Variants in MED6 observed in about 807,000 individuals in gnomAD.
The protein encoded by MED6 is mediator complex subunit 6.
Under a neutral mutation model 37.5 loss-of-function variants are expected in MED6, and 33 were observed. The observed-to-expected ratio is 0.88, with a 90% CI of 0.67 to 1.18. The LOEUF (loss-of-function observed/expected upper bound fraction) is 1.18, where lower values mean the gene tolerates loss of function less well. Ranked by LOEUF, MED6 falls within the 50% of genes most tolerant of loss-of-function variation. MED6 has a pLI of 0.00. For synonymous variants in MED6, 94 were observed against 93.6 expected, an observed-to-expected ratio of 1.00 and a Z score of -0.02; for missense variants, 235 against 290.6, an observed-to-expected ratio of 0.81 and a Z score of 1.39.
At chr14:70,586,248 G>A (rs1884703434) in intron 6 of MED6, among the ~76,000 whole-genome samples, 1 of 152,054 alleles carries the variant, frequency 6.6e-6, no homozygotes, top group African/African-American at 2.4e-5. Flanking sequence ...AAATTTGGAG[G>A]GAAAAGAGAT....
chr14:70,600,604 A>G lies in MED6; in HGVS notation c.22+12T>C. The stretch of plus-strand genomic sequence containing the variant: ...AGACAATCAAGAGACAAAATATAGC[A>G]ATACAGTATACCTCGGATATCCACC... On this transcript the variant is annotated intron_variant, in intron 1 of 7. Coordinates refer to ENST00000256379, the MANE Select transcript of MED6 (RefSeq NM_005466.4). 1.2e-6 allele frequency: 2 copies of G among 1,613,432 alleles called. No homozygotes were observed. The highest frequency in any genetic ancestry group is 8.5e-7 in the Non-Finnish European group (1 of 1,179,882).
At position 70,597,728 on chromosome 14, in the gene MED6, C is replaced by A; in HGVS notation, c.72G>T (p.Leu24Phe). The change falls in exon 2 of 8, where the codon TTG becomes TTT. Residue 24 changes from leucine (L) to phenylalanine (F), a missense_variant. Leu to Phe is a conservative substitution (Grantham distance 22). Transcript: ENST00000256379. ...AGTAATCCAGGACACTACCACTGTT[C>A]AAAATAGGGATCCAAGAGCTGTCAA... is the stretch of plus-strand genomic sequence containing the variant. Reference protein sequence around the residue: ...SWVDSSWIPILNSGSVLDYFS... With the variant: ...SWVDSSWIPIFNSGSVLDYFS... 1.3e-6 allele frequency: 2 copies of A among 1,557,954 alleles called. No homozygotes were observed. Among genetic ancestry groups the A allele is most frequent in the South Asian group, 2.5e-5 (2 of 80,406 alleles).
At chr14:70,586,081 CTACAATGCTTTA>C (rs1446543669) in intron 6 of MED6, among the ~76,000 whole-genome samples, 2 of 152,210 alleles carry the variant, frequency 1.3e-5, no homozygotes, top group East Asian at 3.9e-4. Context: ...CACACCCAGG[CTACAATGCTTTA>C]TAAAAAGCAG....
At position 70,599,734 on chromosome 14, in the gene MED6, C is replaced by A. The variant is rs546752815; in HGVS notation, c.22+882G>T. 2.2e-4 allele frequency among the ~76,000 whole-genome samples: 34 copies of A among 152,084 alleles called. No individual in the cohort carries two copies. The East Asian group carries it at 6.4e-3, about 29-fold the overall frequency. ...AACATTTTATAAACTAAATATTTCT[C>A]TTTTTTATTCTGTAGCAAGGCAACA... On this transcript the variant is annotated intron_variant, in intron 1 of 7. Coordinates refer to ENST00000256379, the MANE Select transcript of MED6 (RefSeq NM_005466.4).
At position 70,584,496 on chromosome 14, in the gene MED6, C is replaced by A; in HGVS notation, c.*317G>T. On this transcript the variant is annotated 3_prime_UTR_variant, in exon 8 of 8. Transcript: ENST00000256379. ...GTTCAAGCAAGTCTCCTGTCTCAGCCTCCCGAGTAGCTGGGACTATGGGCG... is the reference window on the plus strand; with the variant it reads ...GTTCAAGCAAGTCTCCTGTCTCAGCATCCCGAGTAGCTGGGACTATGGGCG... The A allele has an allele frequency of 3.2e-6, 1 of 310,080 alleles. No individual in the cohort carries two copies. Among genetic ancestry groups the A allele is most frequent in the East Asian group, 7.2e-5 (1 of 13,978 alleles). 19.2% of individuals were successfully genotyped at this position (310,080 alleles called of 1,614,324 possible). A position where few individuals can be genotyped will look rare whatever the true frequency, so the allele number is the denominator to read the frequency against.
Position 70,596,727 on chromosome 14 carries a change from A to G in MED6, c.183-25T>C, listed in dbSNP as rs1299989577. The stretch of plus-strand genomic sequence containing the variant: ...ACTGAAAACAGAACACAGACATCCA[A>G]AGATCTATAAACGCCCTACAAATAA... On this transcript the variant is annotated intron_variant, in intron 2 of 7. Coordinates refer to ENST00000256379, the MANE Select transcript of MED6 (RefSeq NM_005466.4). The G allele has an allele frequency of 5.3e-6, 8 of 1,509,286 alleles. No homozygotes were observed. In the African/African-American group the frequency reaches 9.6e-5, roughly 18 times the overall value. 93.5% of individuals were successfully genotyped at this position (1,509,286 alleles called of 1,614,324 possible).
chr14:70,599,466 T>TA (rs34442774), intron 1 of MED6, among the ~76,000 whole-genome samples: 1 of 151,982 alleles, frequency 6.6e-6, no homozygotes, highest in Non-Finnish European at 1.5e-5. Flanking sequence ...AATGTAGTCC[T>TA]AAAAAAAAGT....
rs761656706 is a variant in MED6 at position 70,585,717 on chromosome 14, C to T, written c.610+39G>A. 1.0e-5 allele frequency: 16 copies of T among 1,550,428 alleles called. 1 individual carries two copies. The South Asian group carries it at 2.0e-4, about 19-fold the overall frequency. On this transcript the variant is annotated intron_variant, in intron 7 of 7. Coordinates refer to ENST00000256379, the MANE Select transcript of MED6 (RefSeq NM_005466.4). Reference sequence around the variant, plus strand: ...GTGATTGATTTACAAGCTGTTTGACCTTATTTCAAGCGTAATAAGAATATT... The same window carrying T: ...GTGATTGATTTACAAGCTGTTTGACTTTATTTCAAGCGTAATAAGAATATT...
chr14:70,585,156 T>C (rs977338059), intron 7 of MED6, among the ~76,000 whole-genome samples: 3 of 152,208 alleles, frequency 2.0e-5, no homozygotes, highest in African/African-American at 7.2e-5. Context: ...TAGACAAAAC[T>C]ACATAGCATT....
rs531907629 is a variant in MED6, at chr14:70,596,492, T to C, written c.274+119A>G. ...GAGTCCTCCAGCATAGTACTGAACA[T>C]GTATGTGGTCTTGGAGACCCCCCAA... On this transcript the variant is annotated intron_variant, in intron 3 of 7. Coordinates refer to ENST00000256379, the MANE Select transcript of MED6 (RefSeq NM_005466.4). The C allele has an allele frequency of 4.0e-5, 27 of 679,380 alleles. No individual in the cohort carries two copies. In the East Asian group the frequency reaches 6.0e-4, roughly 15 times the overall value. The allele number at this position is 679,380 out of a possible 1,614,324, so 42.1% of individuals were successfully genotyped here.
intron 3 of MED6, chr14:70,595,800 C>A: frequency 1.4e-6 from 1 of 699,210 alleles, no homozygotes; most frequent in Non-Finnish European, 2.6e-6. Context: ...GTGTCTGAGA[C>A]CAACAACATC....
chr14:70,591,498 T>C (rs1461612940), intron 5 of MED6, 117 bp from the exon 6 acceptor site: 2 of 742,558 alleles, frequency 2.7e-6, no homozygotes, highest in Non-Finnish European at 4.4e-6. Flanking sequence ...ATGGCTGCTA[T>C]ACCAAAGATA....
At chr14:70,587,404 A>G (rs575837299) in intron 6 of MED6, among the ~76,000 whole-genome samples, 1 of 152,360 alleles carries the variant, frequency 6.6e-6, no homozygotes, top group Admixed American at 6.5e-5. Context: ...ACAAAGCCAC[A>G]TATCACATTA....
At chr14:70,585,115 C>T (rs953273692) in intron 7 of MED6, among the ~76,000 whole-genome samples, 172 bp from the exon 8 acceptor site, 2 of 152,194 alleles carry the variant, frequency 1.3e-5, no homozygotes, top group African/African-American at 4.8e-5. Flanking sequence ...ACAAACCTAA[C>T]AACCTGAAAA....
At chr14:70,598,375 T>C (rs1885106429) in intron 1 of MED6, among the ~76,000 whole-genome samples, 1 of 152,060 alleles carries the variant, frequency 6.6e-6, no homozygotes, top group Non-Finnish European at 1.5e-5. Flanking sequence ...CTCGGGAGGC[T>C]GTGGCAGGAG....
At chr14:70,585,912 T>C in intron 6 of MED6, 129 bp from the exon 7 acceptor site, 1 of 660,556 alleles carries the variant, frequency 1.5e-6, no homozygotes, top group Non-Finnish European at 2.5e-6. Context: ...ACATTTCAAA[T>C]GACTTTGTGA....
At chr14:70,596,525 C>G in intron 3 of MED6, 86 bp downstream of exon 3, 1 of 1,043,936 alleles carries the variant, frequency 9.6e-7, no homozygotes, top group South Asian at 1.4e-5. Flanking sequence ...CAAACAGAAA[C>G]CAATCAAAAA....
Position 70,599,030 on chromosome 14 carries a change from C to T in MED6, c.23-1253G>A, listed in dbSNP as rs4902831. Among the ~76,000 whole-genome samples, 25 of 152,174 alleles carry T rather than the reference C, an allele frequency of 1.6e-4. 1 individual carries two copies. The highest frequency in any genetic ancestry group is 3.3e-4 in the Admixed American group (5 of 15,272). ...CTTTTAATAAATGAGCTTGTATTGG[C>T]TATTGGCTTTCATGATGCTTCATAC... is the stretch of plus-strand genomic sequence containing the variant. On this transcript the variant is annotated intron_variant, in intron 1 of 7. Coordinates refer to ENST00000256379, the MANE Select transcript of MED6 (RefSeq NM_005466.4).
At chr14:70,588,737 A>C (rs1884787534) in intron 6 of MED6, among the ~76,000 whole-genome samples, 1 of 127,480 alleles carries the variant, frequency 7.8e-6, no homozygotes, top group African/African-American at 3.1e-5. Flanking sequence ...TAATAATAAT[A>C]ATAATTGGGA....
Sources: allele counts gnomAD v4.1 joint callset (sites outside exome capture counted in the v4.1 genomes callset), GRCh38; gene constraint gnomAD v4.1.1; transcripts MANE v1.5; gene names NCBI Gene and HGNC (gene_info 2026-07-23, HGNC 2026-07-21).